RBPMS: variants seen among roughly 807,000 people sequenced by gnomAD.
RBPMS encodes the protein RNA-binding protein with multiple splicing.
RBPMS carries 7 observed loss-of-function variants against 26.8 expected under a neutral mutation model. The observed-to-expected ratio is 0.26, with a 90% CI of 0.15 to 0.49. The LOEUF is 0.49. Ranked by LOEUF, RBPMS falls within the 20% of genes least tolerant of loss-of-function variation. The probability of loss-of-function intolerance (pLI) is 0.98; values close to 1 mark genes in which losing one functional copy is unlikely to be tolerated. For synonymous variants in RBPMS, 96 were observed against 93.3 expected (o/e 1.03, Z -0.17); for missense variants, 186 against 250.0 (o/e 0.74, Z 1.73).
chr8:30,423,113 C>CA (rs1810978395), intron 1 of RBPMS, among the ~76,000 whole-genome samples: 1 of 152,336 alleles, frequency 6.6e-6, no homozygotes, highest in Non-Finnish European at 1.5e-5. Context: ...TGCTCAGCCT[C>CA]ACTTCCAGCC....
chr8:30,515,888 A>G (rs1358383214), intron 5 of RBPMS, among the ~76,000 whole-genome samples: 1 of 152,066 alleles, frequency 6.6e-6, no homozygotes, highest in African/African-American at 2.4e-5. Flanking sequence ...AGCTCAAGCA[A>G]TCCTCCCACC....
intron 5 of RBPMS, among the ~76,000 whole-genome samples, chr8:30,517,020 C>G (rs991590319): frequency 3.3e-5 from 5 of 151,882 alleles, no homozygotes; most frequent in African/African-American, 1.2e-4. Flanking sequence ...AATTATGTTA[C>G]CCACCCAGAG....
At chr8:30,391,813 T>C (rs1344664491) in intron 1 of RBPMS, among the ~76,000 whole-genome samples, 3 of 152,188 alleles carry the variant, frequency 2.0e-5, no homozygotes, top group Non-Finnish European at 4.4e-5. Context: ...GCTGCTTGGC[T>C]TGTCAGTGTT....
intron 6 of RBPMS, among the ~76,000 whole-genome samples, chr8:30,549,871 GGC>G (rs1826213447): frequency 7.3e-6 from 1 of 137,140 alleles, no homozygotes; most frequent in South Asian, 2.3e-4. Flanking sequence ...TTTTTTCTGA[GGC>G]AGAGTCTCGC....
chr8:30,545,097 G>T (rs185078214), intron 6 of RBPMS: 6 of 1,354,198 alleles, frequency 4.4e-6, no homozygotes, highest in East Asian at 3.9e-5. Context: ...AAGCTTCCAG[G>T]GGGGAAGGCT....
chr8:30,452,358 A>G (rs1814685661), intron 1 of RBPMS, among the ~76,000 whole-genome samples: 2 of 152,200 alleles, frequency 1.3e-5, no homozygotes, highest in Admixed American at 1.3e-4. Flanking sequence ...GAAGGCATCC[A>G]AACCATAATA....
intron 4 of RBPMS, among the ~76,000 whole-genome samples, chr8:30,484,864 C>T (rs1818626662): frequency 6.6e-6 from 1 of 152,130 alleles, no homozygotes; most frequent in African/African-American, 2.4e-5. Flanking sequence ...CAGCCTTGTA[C>T]ATAATTTGTT....
chr8:30,499,424 A>C (rs1321781744), intron 4 of RBPMS, among the ~76,000 whole-genome samples: 4 of 152,212 alleles, frequency 2.6e-5, no homozygotes, highest in Non-Finnish European at 4.4e-5. Context: ...TCTGTCTATA[A>C]GAAACTACTT....
chr8:30,469,557 C>G (rs1378605121), intron 1 of RBPMS, among the ~76,000 whole-genome samples: 1 of 152,368 alleles, frequency 6.6e-6, no homozygotes, highest in Admixed American at 6.5e-5. Flanking sequence ...TTTTGAGTCT[C>G]TTTGGGACAA....
chr8:30,409,658 G>A (rs953958732), intron 1 of RBPMS, among the ~76,000 whole-genome samples: 1 of 152,118 alleles, frequency 6.6e-6, no homozygotes, highest in Non-Finnish European at 1.5e-5. Flanking sequence ...TTTTGAGACG[G>A]AGTCTCGCTC....
chr8:30,517,972 G>C (rs1415261359), intron 5 of RBPMS, among the ~76,000 whole-genome samples: 1 of 152,180 alleles, frequency 6.6e-6, no homozygotes, highest in Admixed American at 6.6e-5. Context: ...CTGAAGAGAT[G>C]CCCAGAAGGA....
At chr8:30,521,441 C>G (rs1033318046) in intron 5 of RBPMS, among the ~76,000 whole-genome samples, 1 of 152,168 alleles carries the variant, frequency 6.6e-6, no homozygotes, top group Non-Finnish European at 1.5e-5. Context: ...ATTTAGTTGA[C>G]TTTTTCGTTG....
At chr8:30,392,611 GT>G (rs1807916482) in intron 1 of RBPMS, among the ~76,000 whole-genome samples, 1 of 152,160 alleles carries the variant, frequency 6.6e-6, no homozygotes, top group African/African-American at 2.4e-5. Flanking sequence ...TTGCAGTGAG[GT>G]TTCTGCTGCA....
At chr8:30,461,433 C>T (rs1563340832) in intron 1 of RBPMS, among the ~76,000 whole-genome samples, 4 of 152,152 alleles carry the variant, frequency 2.6e-5, no homozygotes, top group Admixed American at 2.0e-4. Flanking sequence ...CTCGCCCTGT[C>T]GCCCAGGCTG....
intron 1 of RBPMS, among the ~76,000 whole-genome samples, chr8:30,434,320 A>G (rs1439436517): frequency 2.0e-5 from 3 of 152,142 alleles, no homozygotes; most frequent in Non-Finnish European, 4.4e-5. Flanking sequence ...AATGAGGAGT[A>G]TCAAAGATTG....
At chr8:30,561,803 A>C in intron 7 of RBPMS, 1 of 947,788 alleles carries the variant, frequency 1.1e-6, no homozygotes, top group Non-Finnish European at 1.3e-6. Context: ...GACCTAAGGA[A>C]GGGCTTTTTT....
At chr8:30,569,785 G>A (rs1220203335) in intron 8 of RBPMS, among the ~76,000 whole-genome samples, 2 of 152,196 alleles carry the variant, frequency 1.3e-5, no homozygotes, top group Admixed American at 6.5e-5. Context: ...GGCCAGGGGT[G>A]CACAGGGATG....
At chr8:30,473,185 T>C (rs577298010) in intron 1 of RBPMS, among the ~76,000 whole-genome samples, 1 of 152,186 alleles carries the variant, frequency 6.6e-6, no homozygotes, top group Non-Finnish European at 1.5e-5. Context: ...AAGCTTCTTG[T>C]TTAGTTTTGG....
intron 4 of RBPMS, among the ~76,000 whole-genome samples, chr8:30,488,158 GAATA>G (rs988687501): frequency 1.4e-4 from 22 of 152,158 alleles, no homozygotes; most frequent in African/African-American, 5.3e-4. Context: ...GTAAATGAAT[GAATA>G]AATACACAGA....
Sources: gnomAD v4.1 joint callset for allele counts (sites outside exome capture counted in the v4.1 genomes callset) on GRCh38, gnomAD v4.1.1 for gene constraint, MANE v1.5 for transcripts, NCBI Gene and HGNC (gene_info 2026-07-23, HGNC 2026-07-21) for gene names.